TSNARE1: variants seen among roughly 807,000 people sequenced by gnomAD.
The protein encoded by TSNARE1 is t-SNARE domain containing 1.
In TSNARE1, 49 loss-of-function variants were observed where a neutral mutation model predicts 62.0. The ratio of observed to expected loss-of-function variants is 0.79; its 90% CI spans 0.63 to 1.00. TSNARE1 has a LOEUF of 1.00. Ranked by LOEUF, TSNARE1 falls within the 50% of genes least tolerant of loss-of-function variation. The probability of loss-of-function intolerance (pLI) is 0.00; values close to 1 mark genes in which losing one functional copy is unlikely to be tolerated. For missense variants in TSNARE1, 755 were observed against 700.1 expected (o/e 1.08, Z -0.88); for synonymous variants, 328 against 294.4 (o/e 1.11, Z -1.17).
chr8:142,301,167 C>T (rs1825697934), intron 9 of TSNARE1, among the ~76,000 whole-genome samples: 1 of 148,790 alleles, frequency 6.7e-6, no homozygotes, highest in Non-Finnish European at 1.5e-5. Flanking sequence ...CCCCCACTTG[C>T]CCTGCCCATG....
chr8:142,216,439 T>A (rs1815840859), intron 13 of TSNARE1, among the ~76,000 whole-genome samples: 2 of 152,170 alleles, frequency 1.3e-5, no homozygotes, highest in African/African-American at 4.8e-5. Flanking sequence ...TCTGGCGTCC[T>A]CTGGCCACAC....
intron 2 of TSNARE1, among the ~76,000 whole-genome samples, chr8:142,352,463 A>G (rs1176177226): frequency 6.6e-6 from 1 of 152,232 alleles, no homozygotes; most frequent in African/African-American, 2.4e-5. Flanking sequence ...CAGGAACGCC[A>G]CGCCCCGTGT....
intron 6 of TSNARE1, among the ~76,000 whole-genome samples, chr8:142,321,550 T>A (rs552860818): frequency 6.6e-6 from 1 of 152,182 alleles, no homozygotes; most frequent in East Asian, 1.9e-4. Context: ...TTCAAAACAT[T>A]ACACAACTCT....
At chr8:142,250,342 G>A (rs897235877) in intron 12 of TSNARE1, among the ~76,000 whole-genome samples, 1 of 152,170 alleles carries the variant, frequency 6.6e-6, no homozygotes, top group Non-Finnish European at 1.5e-5. Context: ...GAGTAGGAGC[G>A]AGTTAGAGCT....
intron 12 of TSNARE1, among the ~76,000 whole-genome samples, chr8:142,243,682 G>A (rs189090393): frequency 1.1e-4 from 16 of 152,262 alleles, no homozygotes; most frequent in African/African-American, 3.1e-4. Flanking sequence ...GTGCTCTAAC[G>A]TACAGCATGG....
At chr8:142,212,533 T>A (rs1815595149) in intron 13 of TSNARE1, among the ~76,000 whole-genome samples, 1 of 151,826 alleles carries the variant, frequency 6.6e-6, no homozygotes, top group Admixed American at 6.6e-5. Context: ...CGGTCACCCA[T>A]CCCCACGCTC....
At chr8:142,246,518 A>G (rs935355406) in intron 12 of TSNARE1, among the ~76,000 whole-genome samples, 1 of 151,548 alleles carries the variant, frequency 6.6e-6, no homozygotes, top group Non-Finnish European at 1.5e-5. Flanking sequence ...TCATTCATTC[A>G]TCCCTGGAGG....
intron 12 of TSNARE1, chr8:142,273,533 G>A (rs957757252): frequency 3.0e-6 from 3 of 985,298 alleles, no homozygotes. Flanking sequence ...TCATCCTGCA[G>A]GTGACCTTGG....
chr8:142,404,763 A>G (rs1838543847), upstream of TSNARE1: 1 of 152,254 alleles, frequency 6.6e-6, no homozygotes, highest in Non-Finnish European at 1.5e-5. Flanking sequence ...TGCCTGTCTG[A>G]GAGCTGTCAG....
intron 4 of TSNARE1, among the ~76,000 whole-genome samples, chr8:142,342,775 C>A (rs1180195844): frequency 1.3e-5 from 2 of 151,260 alleles, no homozygotes; most frequent in Admixed American, 1.3e-4. Context: ...TCTGGGCCCA[C>A]CACAGCAGGA....
At chr8:142,229,843 G>A (rs1450522709) in intron 12 of TSNARE1, among the ~76,000 whole-genome samples, 1 of 152,190 alleles carries the variant, frequency 6.6e-6, no homozygotes, top group East Asian at 1.9e-4. Flanking sequence ...GAGTCAGCCA[G>A]GCATGGGTGT....
At chr8:142,280,248 G>C in intron 11 of TSNARE1, 3 of 985,366 alleles carry the variant, frequency 3.0e-6, no homozygotes, top group Non-Finnish European at 3.6e-6. Context: ...AGCCCGGCCC[G>C]GCACCCAGCA....
At chr8:142,396,952 G>A (rs1213771542) in intron 1 of TSNARE1, among the ~76,000 whole-genome samples, 1 of 152,190 alleles carries the variant, frequency 6.6e-6, no homozygotes, top group African/African-American at 2.4e-5. Context: ...GTGTGTAGCA[G>A]TGGCGAGGCA....
At chr8:142,349,191 C>A (rs924816868) in intron 2 of TSNARE1, among the ~76,000 whole-genome samples, 1 of 152,204 alleles carries the variant, frequency 6.6e-6, no homozygotes, top group Non-Finnish European at 1.5e-5. Context: ...GATGTGTGTT[C>A]GGGTTTGAAA....
intron 11 of TSNARE1, chr8:142,275,456 C>A (rs1820311021): frequency 1.0e-6 from 1 of 985,278 alleles, no homozygotes; most frequent in African/African-American, 1.7e-5. Context: ...CCCAGGGAAG[C>A]CACATCAGCA....
chr8:142,231,815 G>A (rs541428904), intron 12 of TSNARE1, among the ~76,000 whole-genome samples: 1 of 152,320 alleles, frequency 6.6e-6, no homozygotes, highest in East Asian at 1.9e-4. Flanking sequence ...AGCCAGGATT[G>A]GAGCTGGGCA....
intron 1 of TSNARE1, among the ~76,000 whole-genome samples, chr8:142,393,135 G>A (rs772219808): frequency 4.6e-5 from 7 of 152,166 alleles, no homozygotes; most frequent in Admixed American, 6.5e-5. Context: ...CATCCACACC[G>A]TGGAACAGGC....
At chr8:142,377,581 C>A (rs1294053953) in intron 1 of TSNARE1, among the ~76,000 whole-genome samples, 3 of 152,202 alleles carry the variant, frequency 2.0e-5, no homozygotes, top group Non-Finnish European at 4.4e-5. Flanking sequence ...ACCCAAGAAT[C>A]GCAGGAAGGC....
rs1043495329 is a variant in TSNARE1, at chr8:142,253,808, G to T, written c.1446+20973C>A. On this transcript the variant is annotated intron_variant, in intron 12 of 13. Transcript: ENST00000524325. ...GTAGCCAGCCTTTTCCCAGGGGCCCGGCACGTGGCCCATGTTGTGTGTCGC... is the reference window on the plus strand; with the variant it reads ...GTAGCCAGCCTTTTCCCAGGGGCCCTGCACGTGGCCCATGTTGTGTGTCGC... Among the ~76,000 whole-genome samples the T allele has an allele frequency of 3.3e-5, 5 of 152,314 alleles. 2 individuals are homozygous for T. The highest frequency in any genetic ancestry group is 3.3e-4 in the Admixed American group (5 of 15,304).
Sources: gnomAD v4.1 joint callset for allele counts (sites outside exome capture counted in the v4.1 genomes callset) on GRCh38, gnomAD v4.1.1 for gene constraint, MANE v1.5 for transcripts, NCBI Gene and HGNC (gene_info 2026-07-23, HGNC 2026-07-21) for gene names.